Variants in BTF3L4 observed in about 807,000 individuals in gnomAD.
BTF3L4 encodes the protein transcription factor BTF3 homolog 4.
A neutral mutation model predicts 16.8 loss-of-function variants in BTF3L4; 6 were observed. The ratio of observed to expected loss-of-function variants is 0.36; its 90% confidence interval spans 0.20 to 0.71. BTF3L4 has a LOEUF of 0.71. Ranked by LOEUF, BTF3L4 falls within the 30% of genes least tolerant of loss-of-function variation. The pLI, the probability that BTF3L4 is intolerant of heterozygous loss-of-function variation, is 0.58. For missense variants in BTF3L4, 92 were observed against 186.9 expected (o/e 0.49, Z 2.96); for synonymous variants, 39 against 59.8 (o/e 0.65, Z 1.60).
intron 3 of BTF3L4, among the ~76,000 whole-genome samples, chr1:52,077,509 G>T (rs1377505125): frequency 6.6e-6 from 1 of 152,194 alleles, no homozygotes; most frequent in Non-Finnish European, 1.5e-5. Context: ...AGTGAGCCGA[G>T]ATTGCGCCAT....
intron 3 of BTF3L4, among the ~76,000 whole-genome samples, chr1:52,065,703 G>A (rs1363473165): frequency 1.3e-5 from 2 of 152,100 alleles, no homozygotes; most frequent in African/African-American, 4.8e-5. Context: ...AGCTTTACAT[G>A]GGTTAGATTT....
Position 52,089,026 on chromosome 1 carries a change from C to T in BTF3L4, c.*2268C>T, listed in dbSNP as rs1643996819. On this transcript the variant is annotated 3_prime_UTR_variant, in exon 6 of 6. Coordinates refer to ENST00000313334, the MANE Select transcript of BTF3L4 (RefSeq NM_152265.5). ...TCATTTGCCTCGGCCTCCCAAAGTG[C>T]TAGGATTACAGGCGTGAGCCACTGC... is the stretch of plus-strand genomic sequence containing the variant. The T allele has an allele frequency of 6.6e-6, 1 of 151,366 alleles. No homozygotes were observed. The highest frequency in any genetic ancestry group is 1.5e-5 in the Non-Finnish European group (1 of 68,004). The allele number at this position is 151,366 out of a possible 1,614,324, so 9.4% of individuals were successfully genotyped here.
chr1:52,084,808 GAAAA>G (rs1643955486), intron 4 of BTF3L4, among the ~76,000 whole-genome samples: 1 of 147,510 alleles, frequency 6.8e-6, no homozygotes, highest in Non-Finnish European at 1.5e-5. Context: ...AAAAAAAAAA[GAAAA>G]AAGAAAATAA....
chr1:52,072,722 A>G (rs890604495), intron 3 of BTF3L4, among the ~76,000 whole-genome samples: 1 of 152,070 alleles, frequency 6.6e-6, no homozygotes. Flanking sequence ...ATCCATCCTT[A>G]TTGGCATGTT....
chr1:52,080,527 T>G lies in BTF3L4; in HGVS notation c.169-2813T>G, dbSNP rs1234893398. On this transcript the variant is annotated intron_variant, in intron 3 of 5. Coordinates refer to ENST00000313334, the MANE Select transcript of BTF3L4 (RefSeq NM_152265.5). ...AATCTTTGGTTTTTTGGGTTTTTTT[T>G]TTTTTTTTTTTTTTTTTTTTTTTTG... Among the ~76,000 whole-genome samples the G allele has an allele frequency of 7.2e-4, 83 of 115,910 alleles. 1 individual carries two copies. The highest frequency in any genetic ancestry group is 1.2e-3 in the Non-Finnish European group (66 of 56,960). 76.0% of individuals were successfully genotyped at this position (115,910 alleles called of 152,430 possible). A position where few individuals can be genotyped will look rare whatever the true frequency, so the allele number is the denominator to read the frequency against.
rs184984453 is a variant in BTF3L4, at chr1:52,062,316, C to G, written c.54+2415C>G. Reference sequence around the variant, plus strand: ...TCCTGGGTTCAAGCGATTCTCCTGCCTCAGCCTCCTGAGTAGCTGGGATTA... The same window carrying G: ...TCCTGGGTTCAAGCGATTCTCCTGCGTCAGCCTCCTGAGTAGCTGGGATTA... On this transcript the variant is annotated intron_variant, in intron 2 of 5. Coordinates refer to ENST00000313334, the MANE Select transcript of BTF3L4 (RefSeq NM_152265.5). 2.5e-4 allele frequency among the ~76,000 whole-genome samples: 38 copies of G among 150,484 alleles called. No individual in the cohort carries two copies. The East Asian group carries it at 5.7e-3, about 23-fold the overall frequency.
At position 52,059,820 on chromosome 1, in the gene BTF3L4, T is replaced by C; in HGVS notation, c.-13-15T>C. The C allele has an allele frequency of 6.2e-7, 1 of 1,610,808 alleles. No homozygotes were observed. The highest frequency in any genetic ancestry group is 8.5e-7 in the Non-Finnish European group (1 of 1,177,754). ...CAAAAGAGTGACTTTAACAAATCTA[T>C]TTTTCCCCCCCTAGATTTACCAACA... On this transcript the variant is annotated splice_polypyrimidine_tract_variant and intron_variant, in intron 1 of 5. Coordinates refer to ENST00000313334, the MANE Select transcript of BTF3L4 (RefSeq NM_152265.5).
chr1:52,068,432 A>T (rs1423325700), intron 3 of BTF3L4, among the ~76,000 whole-genome samples: 1 of 152,220 alleles, frequency 6.6e-6, no homozygotes, highest in Non-Finnish European at 1.5e-5. Context: ...AATATGTATT[A>T]TATCGTACCA....
chr1:52,088,315 A>T lies in BTF3L4; in HGVS notation c.*1557A>T, dbSNP rs1643990265. The T allele has an allele frequency of 6.6e-6, 1 of 152,600 alleles. No homozygotes were observed. The highest frequency in any genetic ancestry group is 2.4e-5 in the African/African-American group (1 of 41,440). The allele number at this position is 152,600 out of a possible 1,614,324, so 9.5% of individuals were successfully genotyped here. A position where few individuals can be genotyped will look rare whatever the true frequency, so the allele number is the denominator to read the frequency against. On this transcript the variant is annotated 3_prime_UTR_variant, in exon 6 of 6. Coordinates refer to ENST00000313334, the MANE Select transcript of BTF3L4 (RefSeq NM_152265.5). Reference sequence around the variant, plus strand: ...TCATCCAAACACCTCAATTTATTTTATAAATTCGTTCATTTTTCCTGTTAT... The same window carrying T: ...TCATCCAAACACCTCAATTTATTTTTTAAATTCGTTCATTTTTCCTGTTAT...
Position 52,086,174 on chromosome 1 carries a change from A to T in BTF3L4, c.430+3A>T. Reference sequence around the variant, plus strand: ...TGAGGAAGATGATGATGTTCCAGGTAAGTGACATTTCCTTAGACTTAAGAT... The same window carrying T: ...TGAGGAAGATGATGATGTTCCAGGTTAGTGACATTTCCTTAGACTTAAGAT... On this transcript the variant is annotated splice_donor_region_variant and intron_variant, in intron 5 of 5. Transcript: ENST00000313334. 1 of 1,609,498 alleles carries T rather than the reference A, an allele frequency of 6.2e-7. No homozygotes were observed. The highest frequency in any genetic ancestry group is 8.5e-7 in the Non-Finnish European group (1 of 1,177,392).
intron 1 of BTF3L4, among the ~76,000 whole-genome samples, chr1:52,058,709 C>G (rs545113002): frequency 6.6e-6 from 1 of 152,056 alleles, no homozygotes; most frequent in East Asian, 1.9e-4. Flanking sequence ...TCAGGCGATT[C>G]TCCTGCCTCA....
At chr1:52,066,283 T>C (rs554480179) in intron 3 of BTF3L4, among the ~76,000 whole-genome samples, 13 of 152,118 alleles carry the variant, frequency 8.5e-5, no homozygotes, top group Non-Finnish European at 1.5e-5. Flanking sequence ...AACATCTGCC[T>C]TCTGGGCTCA....
intron 2 of BTF3L4, among the ~76,000 whole-genome samples, chr1:52,062,513 T>A (rs762786958): frequency 5.3e-5 from 8 of 152,154 alleles, no homozygotes; most frequent in Non-Finnish European, 1.2e-4. Flanking sequence ...ACAGCTGTTC[T>A]TTAGTGTACG....
At position 52,089,837 on chromosome 1, in the gene BTF3L4, T is replaced by G. The variant is rs2124454396; in HGVS notation, c.*3079T>G. ...TAAGAATATATCAAGCACCTTAATT[T>G]GTTGTTAAGTAGCTAGTGCTTACAG... On this transcript the variant is annotated 3_prime_UTR_variant, in exon 6 of 6. Transcript: ENST00000313334. The G allele has an allele frequency of 6.6e-6, 1 of 152,314 alleles. No individual in the cohort carries two copies. Among genetic ancestry groups the G allele is most frequent in the South Asian group, 2.1e-4 (1 of 4,814 alleles). The allele number at this position is 152,314 out of a possible 1,614,324, so 9.4% of individuals were successfully genotyped here. A position where few individuals can be genotyped will look rare whatever the true frequency, so the allele number is the denominator to read the frequency against.
At chr1:52,069,974 T>G (rs1430303652) in intron 3 of BTF3L4, among the ~76,000 whole-genome samples, 2 of 152,172 alleles carry the variant, frequency 1.3e-5, no homozygotes, top group Non-Finnish European at 1.5e-5. Flanking sequence ...CGTAGCACTT[T>G]GGGAGGCCAA....
At chr1:52,074,524 C>T (rs137871736) in intron 3 of BTF3L4, among the ~76,000 whole-genome samples, 1,859 of 152,166 alleles carry the variant, frequency 0.012, 48 homozygotes, top group African/African-American at 0.039. Context: ...CCACCATGCC[C>T]GGCTAATTTT....
intron 3 of BTF3L4, among the ~76,000 whole-genome samples, chr1:52,067,120 C>T (rs1395077474): frequency 6.6e-6 from 1 of 151,978 alleles, no homozygotes; most frequent in African/African-American, 2.4e-5. Context: ...CCTGTAATCC[C>T]AGCTATTTGG....
chr1:52,060,447 AC>A (rs1686480831), intron 2 of BTF3L4: 3 of 1,269,338 alleles, frequency 2.4e-6, no homozygotes, highest in Non-Finnish European at 3.1e-6. Context: ...ACAAATTCTT[AC>A]CTGTTCTTCC....
intron 5 of BTF3L4, 129 bp from the exon 6 acceptor site, chr1:52,086,583 C>G (rs1429844721): frequency 8.9e-6 from 5 of 558,810 alleles, no homozygotes; most frequent in Non-Finnish European, 1.6e-5. Context: ...ATTTCTGCCT[C>G]CTTATGTTTT....
Sources: allele counts gnomAD v4.1 joint callset (sites outside exome capture counted in the v4.1 genomes callset), GRCh38; gene constraint gnomAD v4.1.1; transcripts MANE v1.5; gene names NCBI Gene and HGNC (gene_info 2026-07-23, HGNC 2026-07-21).